Variants in EFCAB11 observed in about 807,000 individuals in gnomAD.
The protein encoded by EFCAB11 is EF-hand calcium-binding domain-containing protein 11.
Under a neutral mutation model 23.0 loss-of-function variants are expected in EFCAB11, and 14 were observed. The ratio of observed to expected loss-of-function variants is 0.61; its 90% CI spans 0.40 to 0.95. The LOEUF is 0.95. EFCAB11 is among the 40% of genes least tolerant of loss of function. The probability of loss-of-function intolerance (pLI) is 0.00; values close to 1 mark genes in which losing one functional copy is unlikely to be tolerated. For synonymous variants in EFCAB11, 65 were observed against 66.6 expected, an observed-to-expected ratio of 0.98 and a Z score of 0.11; for missense variants, 198 against 195.8, an observed-to-expected ratio of 1.01 and a Z score of -0.07.
At chr14:89,875,562 T>C (rs1888412507) in intron 5 of EFCAB11, among the ~76,000 whole-genome samples, 1 of 152,194 alleles carries the variant, frequency 6.6e-6, no homozygotes, top group African/African-American at 2.4e-5. Context: ...GAAAAGAGGT[T>C]GATTTAGAGG....
At chr14:89,823,963 A>C (rs1422948731) in intron 5 of EFCAB11, among the ~76,000 whole-genome samples, 1 of 152,202 alleles carries the variant, frequency 6.6e-6, no homozygotes, top group African/African-American at 2.4e-5. Flanking sequence ...CACGTGGTCT[A>C]ACATATGCAT....
chr14:89,898,663 C>T (rs1322124044), intron 5 of EFCAB11, among the ~76,000 whole-genome samples: 1 of 126,590 alleles, frequency 7.9e-6, no homozygotes, highest in Non-Finnish European at 1.6e-5. Context: ...CCGCGCCTGG[C>T]CTCTTTTTTT....
At chr14:89,849,369 T>C (rs1284501737) in intron 5 of EFCAB11, among the ~76,000 whole-genome samples, 1 of 152,224 alleles carries the variant, frequency 6.6e-6, no homozygotes, top group Non-Finnish European at 1.5e-5. Flanking sequence ...ATTGGAAGAG[T>C]ACAAATGTCC....
At chr14:89,825,440 G>T (rs1158584289) in intron 5 of EFCAB11, among the ~76,000 whole-genome samples, 1 of 151,906 alleles carries the variant, frequency 6.6e-6, no homozygotes, top group Non-Finnish European at 1.5e-5. Flanking sequence ...AAAAGAGCAA[G>T]TCAACTAAAA....
intron 5 of EFCAB11, among the ~76,000 whole-genome samples, chr14:89,864,089 C>T (rs1888011797): frequency 6.6e-6 from 1 of 152,162 alleles, no homozygotes; most frequent in African/African-American, 2.4e-5. Context: ...CTAAATAATG[C>T]ATAATGGTCC....
At chr14:89,936,145 T>C (rs1051337587) in intron 3 of EFCAB11, among the ~76,000 whole-genome samples, 1 of 152,126 alleles carries the variant, frequency 6.6e-6, no homozygotes, top group African/African-American at 2.4e-5. Flanking sequence ...TTAAAACATA[T>C]GATATAGTAA....
In EFCAB11 at chr14:89,839,015, T is replaced by C. The variant is rs1887174045; in HGVS notation, c.411-41691A>G. 2.0e-5 allele frequency among the ~76,000 whole-genome samples: 3 copies of C among 152,158 alleles called. No individual in the cohort carries two copies. The South Asian group carries it at 6.2e-4, about 32-fold the overall frequency. On this transcript the variant is annotated intron_variant, in intron 5 of 5. Transcript: ENST00000316738. ...GCTTTGAGTTTTGGGGGAGGCTATA[T>C]GTGACATAGGTGACTATGAGGTTAG...
chr14:89,849,864 T>C (rs1887549697), intron 5 of EFCAB11, among the ~76,000 whole-genome samples: 1 of 152,194 alleles, frequency 6.6e-6, no homozygotes, highest in African/African-American at 2.4e-5. Flanking sequence ...GCAGGATTAA[T>C]GGGTTAACTA....
At chr14:89,815,856 G>A (rs1014498580) in intron 5 of EFCAB11, among the ~76,000 whole-genome samples, 3 of 152,030 alleles carry the variant, frequency 2.0e-5, no homozygotes, top group Non-Finnish European at 4.4e-5. Context: ...CTCATTTCTC[G>A]GGTTCAACTG....
chr14:89,887,418 C>T (rs1383435182), intron 5 of EFCAB11, among the ~76,000 whole-genome samples: 1 of 152,100 alleles, frequency 6.6e-6, no homozygotes, highest in Non-Finnish European at 1.5e-5. Context: ...CCTATGGAAA[C>T]ACAGGGCCAT....
Position 89,939,435 on chromosome 14 carries a change from G to A in EFCAB11, c.218-6808C>T, listed in dbSNP as rs544407093. Among the ~76,000 whole-genome samples the A allele has an allele frequency of 1.5e-4, 23 of 152,280 alleles. 1 individual carries two copies. The South Asian group carries it at 3.5e-3, about 23-fold the overall frequency. On this transcript the variant is annotated intron_variant, in intron 3 of 5. Coordinates refer to ENST00000316738, the MANE Select transcript of EFCAB11 (RefSeq NM_145231.4). ...GGAAGAAAAGATTTCAGGCACTGAC[G>A]TGGACAGCACAGAAGAGGGTCTCTG...
At chr14:89,854,430 A>G (rs771779037) in intron 5 of EFCAB11, among the ~76,000 whole-genome samples, 33 of 152,076 alleles carry the variant, frequency 2.2e-4, no homozygotes, top group Non-Finnish European at 4.0e-4. Context: ...ACTAAGCTAT[A>G]AAGACAGCAG....
chr14:89,853,459 G>A (rs1887656708), intron 5 of EFCAB11, among the ~76,000 whole-genome samples: 1 of 152,112 alleles, frequency 6.6e-6, no homozygotes, highest in Non-Finnish European at 1.5e-5. Context: ...AATCCTGTGA[G>A]GTGAATATTA....
chr14:89,857,049 A>T (rs1250086266), intron 5 of EFCAB11, among the ~76,000 whole-genome samples: 1 of 152,228 alleles, frequency 6.6e-6, no homozygotes, highest in Non-Finnish European at 1.5e-5. Context: ...TCCTGGGTGC[A>T]TGTGAACTGA....
intron 3 of EFCAB11, among the ~76,000 whole-genome samples, chr14:89,933,525 TA>T (rs555321277): frequency 7.7e-4 from 118 of 152,348 alleles, no homozygotes; most frequent in Non-Finnish European, 1.2e-3. Flanking sequence ...TCCAATCATT[TA>T]AAAAAATGTA....
At chr14:89,921,978 C>A (rs926700986) in intron 5 of EFCAB11, among the ~76,000 whole-genome samples, 15 of 152,180 alleles carry the variant, frequency 9.9e-5, no homozygotes, top group East Asian at 5.8e-4. Flanking sequence ...GAAATTGATT[C>A]CTTTTTCTAT....
intron 5 of EFCAB11, chr14:89,836,396 C>T (rs1887079437): frequency 2.9e-6 from 1 of 348,486 alleles, no homozygotes; most frequent in Non-Finnish European, 5.6e-6. Context: ...AATTTCCTTC[C>T]TACACAGCCC....
At chr14:89,898,863 G>A (rs577996831) in intron 5 of EFCAB11, among the ~76,000 whole-genome samples, 8 of 148,500 alleles carry the variant, frequency 5.4e-5, no homozygotes, top group East Asian at 2.0e-4. Context: ...CTGTAGTGAC[G>A]GGGTCCTGCT....
chr14:89,866,310 T>C (rs543686525), intron 5 of EFCAB11, among the ~76,000 whole-genome samples: 1 of 152,298 alleles, frequency 6.6e-6, no homozygotes, highest in East Asian at 1.9e-4. Context: ...CAATAGTAGA[T>C]TCCCTTCTTT....
Sources: gnomAD v4.1 joint callset for allele counts (sites outside exome capture counted in the v4.1 genomes callset) on GRCh38, gnomAD v4.1.1 for gene constraint, MANE v1.5 for transcripts, NCBI Gene and HGNC (gene_info 2026-07-23, HGNC 2026-07-21) for gene names.